S100A8: variants seen among roughly 807,000 people sequenced by gnomAD.
S100A8 encodes the protein S100 calcium binding protein A8.
S100A8 carries 1 observed loss-of-function variant against 4.2 expected under a neutral mutation model. The ratio of observed to expected loss-of-function variants is 0.24; its 90% CI spans 0.08 to 1.12. The LOEUF (loss-of-function observed/expected upper bound fraction) is 1.12, where lower values mean the gene tolerates loss of function less well. Ranked by LOEUF, S100A8 falls within the 50% of genes most tolerant of loss-of-function variation. The probability of loss-of-function intolerance (pLI) is 0.53; values close to 1 mark genes in which losing one functional copy is unlikely to be tolerated. For synonymous variants in S100A8, 41 were observed against 44.7 expected, an observed-to-expected ratio of 0.92 and a Z score of 0.33; for missense variants, 96 against 111.8, an observed-to-expected ratio of 0.86 and a Z score of 0.64.
the S100A8 span, among the ~76,000 whole-genome samples, chr1:153,401,125 T>C: frequency 6.6e-6 from 1 of 152,260 alleles, no homozygotes; most frequent in Non-Finnish European, 1.5e-5. Flanking sequence ...AATGTTATGC[T>C]GTGGACATCT....
chr1:153,407,360 T>A, the S100A8 span, among the ~76,000 whole-genome samples: 2 of 152,168 alleles, frequency 1.3e-5, no homozygotes, highest in Non-Finnish European at 2.9e-5. Flanking sequence ...TCACAGAGCC[T>A]CGCTCACTGC....
the S100A8 span, chr1:153,419,789 T>C: frequency 6.4e-6 from 1 of 156,272 alleles, no homozygotes; most frequent in South Asian, 2.0e-4. Flanking sequence ...ACCACTCACA[T>C]AGGGATTCCT....
At chr1:153,403,769 TG>T in the S100A8 span, among the ~76,000 whole-genome samples, 5 of 152,216 alleles carry the variant, frequency 3.3e-5, no homozygotes, top group African/African-American at 1.2e-4. Flanking sequence ...ACGCCAAATG[TG>T]TGGGGGTTAT....
the S100A8 span, among the ~76,000 whole-genome samples, chr1:153,410,535 G>A: frequency 1.3e-3 from 202 of 152,210 alleles, 1 homozygote; most frequent in African/African-American, 4.4e-3. Flanking sequence ...ATTCACAACC[G>A]AATTCTACCA....
At chr1:153,401,154 T>C in the S100A8 span, among the ~76,000 whole-genome samples, 2 of 152,282 alleles carry the variant, frequency 1.3e-5, no homozygotes, top group African/African-American at 2.4e-5. Flanking sequence ...TAATCAATGC[T>C]AGCCTGATTT....
the S100A8 span, among the ~76,000 whole-genome samples, chr1:153,407,754 C>G: frequency 6.6e-6 from 1 of 152,156 alleles, no homozygotes; most frequent in Non-Finnish European, 1.5e-5. Flanking sequence ...AGCCAGGTGC[C>G]CCTCTGAGAC....
the S100A8 span, among the ~76,000 whole-genome samples, chr1:153,400,465 A>G: frequency 6.6e-6 from 1 of 152,148 alleles, no homozygotes; most frequent in South Asian, 2.1e-4. Flanking sequence ...GAGGGCCTGC[A>G]CAGGCTGATG....
chr1:153,391,333 T>A, upstream of S100A8: 2 of 308,986 alleles, frequency 6.5e-6, no homozygotes, highest in Non-Finnish European at 9.5e-6. Context: ...GCTGCTGGCA[T>A]CCACTTGCTT....
the S100A8 span, among the ~76,000 whole-genome samples, chr1:153,398,428 C>T: frequency 5.3e-5 from 8 of 152,294 alleles, no homozygotes; most frequent in South Asian, 4.1e-4. Flanking sequence ...ATCCTTCCCC[C>T]GGGCATGGAT....
At chr1:153,394,859 G>A (rs993180377), upstream of S100A8, among the ~76,000 whole-genome samples, 2 of 152,134 alleles carry the variant, frequency 1.3e-5, no homozygotes, top group African/African-American at 4.8e-5. Context: ...CTGCAGTCCT[G>A]TGCGCAGGTG....
upstream of S100A8, among the ~76,000 whole-genome samples, chr1:153,396,038 T>C (rs1662206152): frequency 6.6e-6 from 1 of 152,214 alleles, no homozygotes; most frequent in Non-Finnish European, 1.5e-5. Context: ...AAGCGAGGCC[T>C]CGCTATCTCC....
In S100A8 at chr1:153,390,091, C is replaced by T; in HGVS notation, c.*12G>A. The T allele has an allele frequency of 6.2e-7, 1 of 1,607,702 alleles. No individual in the cohort carries two copies. Among genetic ancestry groups the T allele is most frequent in the South Asian group, 1.1e-5 (1 of 90,630 alleles). ...ATGTCCAGGGGCCCAGCCTCTGGGC[C>T]CAGTAACTCAGCTACTCTTTGTGGC... On this transcript the variant is annotated 3_prime_UTR_variant, in exon 3 of 3. Transcript: ENST00000368733.
chr1:153,390,604 T>A (rs1172321691), intron 1 of S100A8, 47 bp from the exon 2 acceptor site: 13 of 1,603,174 alleles, frequency 8.1e-6, no homozygotes, highest in African/African-American at 1.3e-5. Flanking sequence ...GGAATTTGCA[T>A]CTGGCCAGGG....
the S100A8 span, among the ~76,000 whole-genome samples, chr1:153,404,905 G>T: frequency 6.6e-6 from 1 of 152,110 alleles, no homozygotes; most frequent in Admixed American, 6.5e-5. Flanking sequence ...CAACCAGGGC[G>T]AGGTGGGTGC....
the S100A8 span, among the ~76,000 whole-genome samples, chr1:153,410,441 A>G: frequency 1.6e-3 from 250 of 152,338 alleles, no homozygotes; most frequent in Non-Finnish European, 3.1e-3. Context: ...AAAAAGTTGA[A>G]TTCCTGAATA....
At chr1:153,409,175 A>G in the S100A8 span, among the ~76,000 whole-genome samples, 1 of 152,212 alleles carries the variant, frequency 6.6e-6, no homozygotes, top group Non-Finnish European at 1.5e-5. Flanking sequence ...TAAAAGACAC[A>G]GACTGGCAAA....
the S100A8 span, among the ~76,000 whole-genome samples, chr1:153,417,615 C>T: frequency 2.6e-5 from 4 of 152,144 alleles, no homozygotes; most frequent in Non-Finnish European, 2.9e-5. Flanking sequence ...CTGAAGCAGC[C>T]GAGGAGGGTC....
the S100A8 span, among the ~76,000 whole-genome samples, chr1:153,404,606 T>C: frequency 6.6e-6 from 1 of 152,198 alleles, no homozygotes; most frequent in Non-Finnish European, 1.5e-5. Context: ...GGCATCAAGA[T>C]TTACTTAACC....
the S100A8 span, chr1:153,396,906 A>G: frequency 2.6e-5 from 4 of 152,238 alleles, no homozygotes; most frequent in African/African-American, 7.2e-5. Context: ...TCCAATCGTC[A>G]GTGACTAGGA....
Sources: gnomAD v4.1 joint callset for allele counts (sites outside exome capture counted in the v4.1 genomes callset) on GRCh38, gnomAD v4.1.1 for gene constraint, MANE v1.5 for transcripts, NCBI Gene and HGNC (gene_info 2026-07-23, HGNC 2026-07-21) for gene names.